COL13A1: variants seen among roughly 807,000 people sequenced by gnomAD.
The protein encoded by COL13A1 is collagen type XIII alpha 1 chain, also known as collagen alpha-1(XIII) chain.
A neutral mutation model predicts 130.9 loss-of-function variants in COL13A1; 89 were observed. The ratio of observed to expected loss-of-function variants is 0.68; its 90% CI spans 0.57 to 0.81. The LOEUF (loss-of-function observed/expected upper bound fraction) is 0.81. COL13A1 is among the 30% of genes least tolerant of loss of function. The pLI is 0.00. For synonymous variants in COL13A1, 402 were observed against 341.6 expected, an observed-to-expected ratio of 1.18 and a Z score of -1.95; for missense variants, 879 against 934.6, an observed-to-expected ratio of 0.94 and a Z score of 0.78.
chr10:69,804,809 C>CAAAAAAAAAAAAAAAAAAAA (rs57098368), intron 1 of COL13A1, among the ~76,000 whole-genome samples: 12 of 75,390 alleles, frequency 1.6e-4, no homozygotes, highest in African/African-American at 2.8e-4. Context: ...ATGTCGTGTG[C>CAAAAAAAAAAAAAAAAAAAA]AAAAAAAAAA....
chr10:69,835,214 C>T (rs1849734444), intron 2 of COL13A1, among the ~76,000 whole-genome samples: 1 of 152,172 alleles, frequency 6.6e-6, no homozygotes, highest in South Asian at 2.1e-4. Flanking sequence ...CCACCACCTG[C>T]TCTGCCCTGA....
chr10:69,940,912 C>T, intron 34 of COL13A1, 76 bp from the exon 35 acceptor site: 1 of 1,599,906 alleles, frequency 6.3e-7, no homozygotes, highest in Non-Finnish European at 8.6e-7. Flanking sequence ...TCACCTCTTC[C>T]CTCCCCATTG....
At chr10:69,877,955 G>T in intron 5 of COL13A1, 84 bp from the exon 6 acceptor site, 2 of 689,978 alleles carry the variant, frequency 2.9e-6, no homozygotes, top group Admixed American at 4.1e-5. Context: ...ATGGATTCTC[G>T]TGTGGGTGCC....
intron 1 of COL13A1, among the ~76,000 whole-genome samples, chr10:69,805,577 T>C (rs1841345116): frequency 6.6e-6 from 1 of 152,242 alleles, no homozygotes; most frequent in African/African-American, 2.4e-5. Context: ...ACAGCCTGGT[T>C]TCAAGTGCTC....
At position 69,810,322 on chromosome 10, in the gene COL13A1, G is replaced by A. The variant is rs115080189; in HGVS notation, c.294+7605G>A. The stretch of plus-strand genomic sequence containing the variant: ...AGCTCCTCGGGTGATCGTGTTCTGC[G>A]GCTGGACCTGGCAGGCCCTGAGAAT... On this transcript the variant is annotated intron_variant, in intron 1 of 40. Coordinates refer to ENST00000645393, the MANE Select transcript of COL13A1 (RefSeq NM_001368882.1). 4.1e-3 allele frequency among the ~76,000 whole-genome samples: 621 copies of A among 150,682 alleles called. 7 individuals carry two copies. Among genetic ancestry groups the A allele is most frequent in the African/African-American group, 0.015 (594 of 40,746 alleles).
At chr10:69,885,668 G>A (rs1268262595) in intron 7 of COL13A1, among the ~76,000 whole-genome samples, 1 of 152,178 alleles carries the variant, frequency 6.6e-6, no homozygotes, top group Non-Finnish European at 1.5e-5. Flanking sequence ...GATGGAAGAT[G>A]TTTCTTGGAA....
chr10:69,858,771 C>G (rs990498528), intron 2 of COL13A1, among the ~76,000 whole-genome samples: 1 of 152,238 alleles, frequency 6.6e-6, no homozygotes. Flanking sequence ...CATCTCCCCC[C>G]ACCACTAAGT....
At chr10:69,920,502 G>A (rs1396703898) in intron 21 of COL13A1, among the ~76,000 whole-genome samples, 2 of 152,160 alleles carry the variant, frequency 1.3e-5, no homozygotes, top group African/African-American at 2.4e-5. Context: ...GCCTTGGGGA[G>A]GTCATTAAGG....
chr10:69,821,137 G>A (rs1227776), intron 1 of COL13A1, among the ~76,000 whole-genome samples: 89,200 of 152,172 alleles, frequency 0.59, 27,076 homozygotes, highest in South Asian at 0.74. Context: ...GCCAGCCAGA[G>A]CACAGGCTTC....
chr10:69,943,668 G>A (rs1200110493), intron 35 of COL13A1, among the ~76,000 whole-genome samples: 2 of 152,132 alleles, frequency 1.3e-5, no homozygotes, highest in East Asian at 3.9e-4. Context: ...TGGGGTGGGT[G>A]TTGGCTGAAC....
At chr10:69,841,581 C>T (rs905882839) in intron 2 of COL13A1, among the ~76,000 whole-genome samples, 5 of 152,162 alleles carry the variant, frequency 3.3e-5, no homozygotes, top group African/African-American at 9.7e-5. Flanking sequence ...GCTGGTAACC[C>T]GAGGGTGAGC....
intron 2 of COL13A1, among the ~76,000 whole-genome samples, chr10:69,858,583 C>T (rs1425465711): frequency 6.6e-6 from 1 of 152,302 alleles, no homozygotes; most frequent in African/African-American, 2.4e-5. Context: ...AGTTGAAGTT[C>T]CTCCTAAGAT....
At chr10:69,951,323 T>C (rs2069529301) in intron 38 of COL13A1, among the ~76,000 whole-genome samples, 1 of 152,222 alleles carries the variant, frequency 6.6e-6, no homozygotes, top group Non-Finnish European at 1.5e-5. Context: ...GTGCACATAC[T>C]ATATTCCATT....
At chr10:69,821,437 G>A (rs780908672) in intron 1 of COL13A1, among the ~76,000 whole-genome samples, 1 of 152,184 alleles carries the variant, frequency 6.6e-6, no homozygotes, top group South Asian at 2.1e-4. Context: ...TCCCTTACCT[G>A]TGACATGAAC....
intron 39 of COL13A1, among the ~76,000 whole-genome samples, chr10:69,953,692 CTAAG>C (rs1287623310): frequency 3.0e-4 from 46 of 152,196 alleles, no homozygotes; most frequent in Admixed American, 3.0e-3. Context: ...TGTGTTTACA[CTAAG>C]TGAGTCTGTA....
chr10:69,940,925 C>A, intron 34 of COL13A1, 63 bp from the exon 35 acceptor site: 1 of 1,610,744 alleles, frequency 6.2e-7, no homozygotes, highest in East Asian at 2.2e-5. Flanking sequence ...CCCCATTGTT[C>A]CCTTTTTCTC....
intron 1 of COL13A1, among the ~76,000 whole-genome samples, chr10:69,807,131 G>T (rs1252766916): frequency 6.6e-6 from 1 of 152,190 alleles, no homozygotes; most frequent in African/African-American, 2.4e-5. Flanking sequence ...CCTAACCCCA[G>T]TAATAACATC....
intron 21 of COL13A1, among the ~76,000 whole-genome samples, chr10:69,921,654 G>C (rs1437454582): frequency 6.6e-6 from 1 of 152,198 alleles, no homozygotes; most frequent in Non-Finnish European, 1.5e-5. Context: ...GGCCACATGG[G>C]AATAAGGAAA....
At chr10:69,891,747 G>T (rs2061192622) in intron 10 of COL13A1, among the ~76,000 whole-genome samples, 1 of 152,112 alleles carries the variant, frequency 6.6e-6, no homozygotes. Context: ...GCAGCCCATG[G>T]CCCCCCAGAA....
Sources: allele counts gnomAD v4.1 joint callset (sites outside exome capture counted in the v4.1 genomes callset), GRCh38; gene constraint gnomAD v4.1.1; transcripts MANE v1.5; gene names NCBI Gene and HGNC (gene_info 2026-07-23, HGNC 2026-07-21).